Variants in LYPD4 observed in about 807,000 individuals in gnomAD.
LYPD4 encodes the protein ly6/PLAUR domain-containing protein 4.
Under a neutral mutation model 18.2 loss-of-function variants are expected in LYPD4, and 20 were observed. That is an observed-to-expected ratio of 1.10 (90% CI 0.77 to 1.59). The LOEUF (loss-of-function observed/expected upper bound fraction) is 1.59, where lower values mean the gene tolerates loss of function less well. Among genes scored for constraint, LYPD4 ranks in the 40% most tolerant of loss-of-function variants. LYPD4 has a pLI of 0.00. For synonymous variants in LYPD4, 111 were observed against 118.3 expected, an observed-to-expected ratio of 0.94 and a Z score of 0.40; for missense variants, 278 against 300.3, an observed-to-expected ratio of 0.93 and a Z score of 0.55.
chr19:41,839,097 G>A, intron 2 of LYPD4, 73 bp from the exon 3 acceptor site: 1 of 1,609,744 alleles, frequency 6.2e-7, no homozygotes, highest in Non-Finnish European at 8.5e-7. Flanking sequence ...CCAACCAAGA[G>A]TTCAGCCCCC....
In LYPD4 at chr19:41,838,183, G is replaced by T. The variant is rs782199915; in HGVS notation, c.290C>A (p.Ser97Tyr). ...SYPAQISYLVSPPGVSIASYS... is the reference protein window; with the variant it reads ...SYPAQISYLVYPPGVSIASYS... ...GGAGGCAATGGACACTCCGGGTGGG[G>T]AAACAAGGTAGGAGATTTGCGCAGG... Residue 97 changes from serine to tyrosine, a missense_variant, in exon 4 of 5, where the codon TCC becomes TAC. Coordinates refer to ENST00000609812, the MANE Select transcript of LYPD4 (RefSeq NM_173506.7). 12 of 1,597,024 alleles carry T rather than the reference G, an allele frequency of 7.5e-6. No homozygotes were observed. The South Asian group carries it at 1.1e-4, about 15-fold the overall frequency.
chr19:41,837,215 A>G lies in LYPD4; in HGVS notation c.669T>C (p.Val223=), dbSNP rs1555830681. ...VLNILEKSQI[V]GAASSRQDPA... ...GATCTTGCCTGGAGGATGCTGCACCAACAATCTGAGACTTCTCTAAGATGT... is the reference window on the plus strand; with the variant it reads ...GATCTTGCCTGGAGGATGCTGCACCGACAATCTGAGACTTCTCTAAGATGT... Residue 223 remains valine, a synonymous_variant, in exon 5 of 5, where the codon GTT becomes GTC. Coordinates refer to ENST00000609812, the MANE Select transcript of LYPD4 (RefSeq NM_173506.7). The G allele has an allele frequency of 2.5e-6, 4 of 1,614,124 alleles. No individual in the cohort carries two copies. Among genetic ancestry groups the G allele is most frequent in the Non-Finnish European group, 3.4e-6 (4 of 1,179,972 alleles).
At chr19:41,837,442 T>G in intron 4 of LYPD4, 97 bp from the exon 5 acceptor site, 1 of 1,353,064 alleles carries the variant, frequency 7.4e-7, no homozygotes, top group East Asian at 2.3e-5. Context: ...TCCCAGCACT[T>G]TGGGAGGCCG....
At position 41,837,314 on chromosome 19, in the gene LYPD4, C is replaced by T. The variant is rs137866561; in HGVS notation, c.570G>A (p.Gly190=). 51 of 1,614,004 alleles carry T rather than the reference C, an allele frequency of 3.2e-5. No homozygotes were observed. In the African/African-American group the frequency reaches 5.7e-4, roughly 18 times the overall value. ...AAAGCTGGTTATGTTCACGAGCACA[C>T]CCCATGAGGAGGAAGGTGGTATTGA... ...GFLNTTFLLM[G]CAREHNQLLA... is the part of the protein sequence containing the mutation. The change falls in exon 5 of 5, where the codon GGG becomes GGA. Residue 190 remains glycine (G), a synonymous_variant. Coordinates refer to ENST00000609812, the MANE Select transcript of LYPD4 (RefSeq NM_173506.7).
downstream of LYPD4, chr19:41,835,101 T>C (rs1166518840): frequency 6.6e-6 from 1 of 152,186 alleles, no homozygotes; most frequent in African/African-American, 2.4e-5. Flanking sequence ...CAATATTTAT[T>C]GTTTAAAGGT....
At position 41,837,242 on chromosome 19, in the gene LYPD4, G is replaced by A. The variant is rs1443458962; in HGVS notation, c.642C>T (p.Leu214=). 1.5e-5 allele frequency: 25 copies of A among 1,614,076 alleles called. No individual in the cohort carries two copies. The highest frequency in any genetic ancestry group is 1.8e-5 in the Non-Finnish European group (21 of 1,179,974). Residue 214 remains leucine (L), a synonymous_variant, in exon 5 of 5, where the codon CTC becomes CTT. Transcript: ENST00000609812. ...HIGSIKVTEV[L]NILEKSQIVG... is the part of the protein sequence containing the mutation. Reference sequence around the variant, plus strand: ...CAATCTGAGACTTCTCTAAGATGTTGAGGACCTCAGTCACTTTGATGCTCC... The same window carrying A: ...CAATCTGAGACTTCTCTAAGATGTTAAGGACCTCAGTCACTTTGATGCTCC...
intron 2 of LYPD4, 62 bp downstream of exon 2, chr19:41,839,157 G>C: frequency 6.2e-7 from 1 of 1,613,546 alleles, no homozygotes; most frequent in Non-Finnish European, 8.5e-7. Context: ...CGTTCCACCA[G>C]TGACATGAAT....
In LYPD4 at chr19:41,838,232, C is replaced by G. The variant is rs557742927; in HGVS notation, c.241G>C (p.Gly81Arg). The G allele has an allele frequency of 6.5e-7, 1 of 1,538,786 alleles. No individual in the cohort carries two copies. Among genetic ancestry groups the G allele is most frequent in the African/African-American group, 1.4e-5 (1 of 72,640 alleles). ...GTARGVVGFK[G>R]CSSSSSYPAQ... ...GGGTAAGACGAAGACGAGCTGCAGC[C>G]TTTAAAGCCCACGACTCCCCTTGCA... Residue 81 changes from glycine to arginine, a missense_variant, in exon 4 of 5, where the codon GGC (glycine) becomes CGC (arginine). Transcript: ENST00000609812.
chr19:41,839,412 C>G lies in LYPD4; in HGVS notation c.-120-7G>C, dbSNP rs1187847313. On this transcript the variant is annotated splice_region_variant and splice_polypyrimidine_tract_variant and intron_variant, in intron 1 of 4. Coordinates refer to ENST00000609812, the MANE Select transcript of LYPD4 (RefSeq NM_173506.7). Reference sequence around the variant, plus strand: ...TGTCTCTGGGTCACTGTTTCTGGAGCAGAAAGTTGATTGCATCAGCTTCTA... The same window carrying G: ...TGTCTCTGGGTCACTGTTTCTGGAGGAGAAAGTTGATTGCATCAGCTTCTA... 3.4e-6 allele frequency: 3 copies of G among 889,520 alleles called. No individual in the cohort carries two copies. The highest frequency in any genetic ancestry group is 5.4e-6 in the Non-Finnish European group (3 of 556,322). 55.1% of individuals were successfully genotyped at this position (889,520 alleles called of 1,614,324 possible).
intron 1 of LYPD4, 195 bp from the exon 2 acceptor site, chr19:41,839,600 G>A: frequency 5.1e-6 from 2 of 395,616 alleles, no homozygotes; most frequent in East Asian, 4.5e-5. Flanking sequence ...AGAGAATCCT[G>A]GCTTACTGAT....
intron 1 of LYPD4, among the ~76,000 whole-genome samples, chr19:41,840,050 CAA>C (rs782696537): frequency 2.3e-5 from 3 of 129,938 alleles, no homozygotes; most frequent in African/African-American, 2.8e-5. Flanking sequence ...GACTCCATTT[CAA>C]AAAAAAAAAA....
At chr19:41,837,571 A>G (rs2073407042) in intron 4 of LYPD4, among the ~76,000 whole-genome samples, 1 of 152,060 alleles carries the variant, frequency 6.6e-6, no homozygotes. Context: ...GCACATGCCT[A>G]TAATCCCAGC....
In LYPD4 at chr19:41,838,070, TAG is replaced by T. The variant is rs782381451; in HGVS notation, c.401_402del (p.Ser134TyrfsTer7). 1.9e-6 allele frequency: 3 copies of T among 1,614,044 alleles called. No individual in the cohort carries two copies. The African/African-American group carries it at 4.0e-5, about 22-fold the overall frequency. ...GGGCAGCTACAGGACGCAGATGTGATAGACTTAGGAGTGCTGGCCTTGAGTTT... is the reference window on the plus strand; with the variant it reads ...GGGCAGCTACAGGACGCAGATGTGATACTTAGGAGTGCTGGCCTTGAGTTT... ...FVKLKASTPK[S>X]ITSASCSCPT... On this transcript the variant is annotated frameshift_variant, in exon 4 of 5. Coordinates refer to ENST00000609812, the MANE Select transcript of LYPD4 (RefSeq NM_173506.7). LOFTEE classifies it high-confidence loss of function.
intron 4 of LYPD4, 70 bp downstream of exon 4, chr19:41,837,865 A>C: frequency 7.0e-7 from 1 of 1,433,052 alleles, no homozygotes; most frequent in Non-Finnish European, 9.4e-7. Context: ...AGCCTCTCTG[A>C]GATGTGAAGG....
chr19:41,842,871 G>C lies in LYPD4; in HGVS notation c.-121+707C>G, dbSNP rs2073657071. Among the ~76,000 whole-genome samples, 5 of 141,046 alleles carry C rather than the reference G, an allele frequency of 3.5e-5. No individual in the cohort carries two copies. In the South Asian group the frequency reaches 1.1e-3, roughly 32 times the overall value. The allele number at this position is 141,046 out of a possible 152,430, so 92.5% of individuals were successfully genotyped here. A position where few individuals can be genotyped will look rare whatever the true frequency, so the allele number is the denominator to read the frequency against. ...ATCACAGTGCTGATTATTACAAATA[G>C]TATATAACATAATATCACTTGCATA... On this transcript the variant is annotated intron_variant, in intron 1 of 4. Transcript: ENST00000609812.
rs2073780046 is a variant in LYPD4 at position 41,844,646 on chromosome 19, C to G, written c.-1189G>C. 6.6e-6 allele frequency: 1 copy of G among 152,332 alleles called. No homozygotes were observed. The highest frequency in any genetic ancestry group is 1.5e-5 in the Non-Finnish European group (1 of 68,152). 9.4% of individuals were successfully genotyped at this position (152,332 alleles called of 1,614,324 possible). ...GTCGAGGTACAAGGCAAGGGAAGGC[C>G]AGAAACGAGGCAACCCGTGCACAGA... On this transcript the variant is annotated 5_prime_UTR_variant, in exon 1 of 5. Transcript: ENST00000609812.
chr19:41,840,406 C>G (rs140664991), intron 1 of LYPD4, among the ~76,000 whole-genome samples: 1 of 152,192 alleles, frequency 6.6e-6, no homozygotes, highest in East Asian at 1.9e-4. Flanking sequence ...GTACAAATGT[C>G]AATTTCCTGC....
At position 41,838,868 on chromosome 19, in the gene LYPD4, T is replaced by C; in HGVS notation, c.211+13A>G. 1 of 1,613,478 alleles carries C rather than the reference T, an allele frequency of 6.2e-7. No individual in the cohort carries two copies. The highest frequency in any genetic ancestry group is 1.6e-4 in the Middle Eastern group (1 of 6,062). On this transcript the variant is annotated intron_variant, in intron 3 of 4. Transcript: ENST00000609812. ...CAAGCAAAACGAAATTGATCAAACT[T>C]AGACTGCTTCACCTGTCTCAATGAA...
At chr19:41,843,078 C>CAAAA (rs2073693023) in intron 1 of LYPD4, among the ~76,000 whole-genome samples, 12 of 9,108 alleles carry the variant, frequency 1.3e-3, no homozygotes, top group Admixed American at 8.9e-3. Flanking sequence ...AAAAAAAAAA[C>CAAAA]CCCAACAACA....
Sources: allele counts gnomAD v4.1 joint callset (sites outside exome capture counted in the v4.1 genomes callset), GRCh38; gene constraint gnomAD v4.1.1; transcripts MANE v1.5; gene names NCBI Gene and HGNC (gene_info 2026-07-23, HGNC 2026-07-21).